The following MYO1C variants were observed in gnomAD, a reference collection of about 807,000 sequenced individuals.
The protein encoded by MYO1C is myosin IC.
Under a neutral mutation model 150.8 loss-of-function variants are expected in MYO1C, and 104 were observed. The observed-to-expected ratio is 0.69, with a 90% confidence interval of 0.59 to 0.81. The LOEUF (loss-of-function observed/expected upper bound fraction) is 0.81, where lower values mean the gene tolerates loss of function less well. Among genes scored for constraint, MYO1C ranks in the 30% least tolerant of loss-of-function variants. MYO1C has a pLI of 0.00. For missense variants in MYO1C, 1,504 were observed against 1,435.0 expected, an observed-to-expected ratio of 1.05 and a Z score of -0.78; for synonymous variants, 663 against 579.9, an observed-to-expected ratio of 1.14 and a Z score of -2.06.
Position 1,470,285 on chromosome 17 carries a change from C to T in MYO1C, c.2416G>A (p.Ala806Thr), listed in dbSNP as rs376352401. The change falls in exon 24 of 32, where the codon GCC becomes ACC. Residue 806 changes from alanine to threonine, a missense_variant. Physicochemically the swap from Ala to Thr is moderately conservative, Grantham distance 58 (BLOSUM62 0). Transcript: ENST00000648651. ...GTGCGCACATGGTCCAGGAAGAAGG[C>T]GTTCTCGGGGCAGCGGGGGGCGTGG... ...LRHAPRCPENAFFLDHVRTSF... is the reference protein window; with the variant it reads ...LRHAPRCPENTFFLDHVRTSF... 2.8e-5 allele frequency: 44 copies of T among 1,576,258 alleles called. No individual in the cohort carries two copies. Among genetic ancestry groups the T allele is most frequent in the Admixed American group, 3.6e-5 (2 of 55,126 alleles).
rs371255889 is a variant in MYO1C, at chr17:1,483,935, G to C, written c.232-210C>G. On this transcript the variant is annotated intron_variant, in intron 2 of 31. Transcript: ENST00000648651. ...CGGGTGCCTGTAATCCCAGCTACTC[G>C]GGAGGCTGAGGCAGGAGAATCGCTT... Among the ~76,000 whole-genome samples the C allele has an allele frequency of 9.3e-3, 1,410 of 152,058 alleles. 26 individuals carry two copies. The highest frequency in any genetic ancestry group is 0.033 in the African/African-American group (1,355 of 41,480).
intron 14 of MYO1C, among the ~76,000 whole-genome samples, chr17:1,475,934 A>T (rs1308507656): frequency 1.3e-5 from 2 of 152,160 alleles, no homozygotes; most frequent in African/African-American, 4.8e-5. Flanking sequence ...ATTTACCCTG[A>T]GCCTTATACA....
rs7212008 is a variant in MYO1C at position 1,465,784 on chromosome 17, G to A, written c.3166-32C>T. ...GGGCGGAGAGAGACGGCCAAGTGGT[G>A]AGGGGAGCAGACGGGGGCCCCGGTA... On this transcript the variant is annotated intron_variant, in intron 31 of 31. Coordinates refer to ENST00000648651, the MANE Select transcript of MYO1C (RefSeq NM_001080779.2). 3.2e-3 allele frequency: 4,261 copies of A among 1,315,738 alleles called. 107 individuals are homozygous for A. In the African/African-American group the frequency reaches 0.056, roughly 17 times the overall value. The allele number at this position is 1,315,738 out of a possible 1,614,324, so 81.5% of individuals were successfully genotyped here. A position where few individuals can be genotyped will look rare whatever the true frequency, so the allele number is the denominator to read the frequency against.
rs112303325 is a variant in MYO1C at position 1,474,557 on chromosome 17, T to C, written c.1797+53A>G. On this transcript the variant is annotated intron_variant, in intron 17 of 31. Coordinates refer to ENST00000648651, the MANE Select transcript of MYO1C (RefSeq NM_001080779.2). ...CCAGCTCCCAGGCTCACACAGGCCC[T>C]CATGCACACTCAGGCGCATGCACCC... 1,718 of 1,567,968 alleles carry C rather than the reference T, an allele frequency of 1.1e-3. 18 individuals carry two copies. Among genetic ancestry groups the C allele is most frequent in the African/African-American group, 0.011 (803 of 73,604 alleles).
chr17:1,466,645 G>C (rs1208776699), intron 31 of MYO1C, among the ~76,000 whole-genome samples: 4 of 114,578 alleles, frequency 3.5e-5, no homozygotes, highest in African/African-American at 1.4e-4. Context: ...TTTTTTTTGA[G>C]ATGACATCTC....
At position 1,468,074 on chromosome 17, in the gene MYO1C, G is replaced by C. The variant is rs1165033466; in HGVS notation, c.2810C>G (p.Ser937Cys). The C allele has an allele frequency of 1.2e-6, 2 of 1,613,400 alleles. No individual in the cohort carries two copies. Among genetic ancestry groups the C allele is most frequent in the Non-Finnish European group, 1.7e-6 (2 of 1,179,974 alleles). ...KYDRKGYKPRSRQLLLTPNAV... is the reference protein window; with the variant it reads ...KYDRKGYKPRCRQLLLTPNAV... ...GTTGGGCGTGAGCAGCAGCTGCCGG[G>C]AGCGAGGCTTGTAGCCCTTGCGGTC... Residue 937 changes from serine to cysteine, a missense_variant, in exon 28 of 32, where the codon TCC (serine) becomes TGC (cysteine). Transcript: ENST00000648651.
chr17:1,469,638 G>A (rs751831014), intron 24 of MYO1C, 24 bp from the exon 25 acceptor site: 4 of 1,569,186 alleles, frequency 2.5e-6, no homozygotes, highest in Admixed American at 3.4e-5. Context: ...TGAGGTCAGA[G>A]GTCCTGGACA....
intron 1 of MYO1C, chr17:1,485,905 T>G: frequency 6.4e-6 from 1 of 155,528 alleles, no homozygotes; most frequent in Non-Finnish European, 1.3e-5. Flanking sequence ...GTGGGGTTGG[T>G]GGAGGTGGGG....
At position 1,492,627 on chromosome 17, in the gene MYO1C, C is replaced by T. The variant is rs2074748814; in HGVS notation, c.-140G>A. 2.6e-6 allele frequency: 2 copies of T among 773,556 alleles called. No homozygotes were observed. The highest frequency in any genetic ancestry group is 4.4e-6 in the Non-Finnish European group (2 of 455,436). 47.9% of individuals were successfully genotyped at this position (773,556 alleles called of 1,614,324 possible). A position where few individuals can be genotyped will look rare whatever the true frequency, so the allele number is the denominator to read the frequency against. On this transcript the variant is annotated 5_prime_UTR_variant, in exon 1 of 32. Coordinates refer to ENST00000648651, the MANE Select transcript of MYO1C (RefSeq NM_001080779.2). ...TGGCCACTTGGTTCTGCTTCAACTG[C>T]AGCCCCAGGGGATGTGGCTGGTCCA...
In MYO1C at chr17:1,492,533, C is replaced by G; in HGVS notation, c.-46G>C. Reference sequence around the variant, plus strand: ...CGGCCTGGGCACCGCGGCCTGTGAGCAAGAGCTGCCTGCCCACTGGCGGGC... The same window carrying G: ...CGGCCTGGGCACCGCGGCCTGTGAGGAAGAGCTGCCTGCCCACTGGCGGGC... On this transcript the variant is annotated 5_prime_UTR_variant, in exon 1 of 32. Coordinates refer to ENST00000648651, the MANE Select transcript of MYO1C (RefSeq NM_001080779.2). 4 of 1,548,166 alleles carry G rather than the reference C, an allele frequency of 2.6e-6. No individual in the cohort carries two copies. The highest frequency in any genetic ancestry group is 2.6e-6 in the Non-Finnish European group (3 of 1,140,848).
Position 1,492,662 on chromosome 17 carries a change from G to A in MYO1C, c.-175C>T, listed in dbSNP as rs2074749361. The A allele has an allele frequency of 1.8e-5, 12 of 664,398 alleles. No homozygotes were observed. The highest frequency in any genetic ancestry group is 3.0e-5 in the Non-Finnish European group (11 of 370,856). 41.2% of individuals were successfully genotyped at this position (664,398 alleles called of 1,614,324 possible). A position where few individuals can be genotyped will look rare whatever the true frequency, so the allele number is the denominator to read the frequency against. The stretch of plus-strand genomic sequence containing the variant: ...GGATGTGGCTGGTCCAGCTCCTCAG[G>A]ACACGGCTGGAGCCGTCCAGGTCTG... On this transcript the variant is annotated 5_prime_UTR_variant, in exon 1 of 32. Coordinates refer to ENST00000648651, the MANE Select transcript of MYO1C (RefSeq NM_001080779.2).
intron 25 of MYO1C, 40 bp from the exon 26 acceptor site, chr17:1,468,536 G>A (rs375462051): frequency 8.0e-5 from 122 of 1,524,454 alleles, no homozygotes; most frequent in South Asian, 1.8e-4. Context: ...TCATGGTGGG[G>A]AGCACCATCT....
chr17:1,470,094 C>A (rs2074267991), intron 24 of MYO1C, 81 bp downstream of exon 24: 1 of 1,443,352 alleles, frequency 6.9e-7, no homozygotes, highest in Non-Finnish European at 9.4e-7. Context: ...CCCTCCCTGA[C>A]CAATCCTTTG....
intron 1 of MYO1C, chr17:1,485,606 C>T: frequency 9.8e-7 from 1 of 1,016,112 alleles, no homozygotes; most frequent in Non-Finnish European, 1.2e-6. Flanking sequence ...CTGGGCCGCG[C>T]CCGCTTCCTG....
intron 31 of MYO1C, 140 bp downstream of exon 31, chr17:1,467,102 G>A (rs2074188688): frequency 1.2e-6 from 1 of 817,372 alleles, no homozygotes; most frequent in Non-Finnish European, 2.0e-6. Context: ...GCCCTCATGG[G>A]TGGGCCAAGG....
chr17:1,481,189 T>C (rs1032141061), intron 5 of MYO1C: 1 of 425,134 alleles, frequency 2.4e-6, no homozygotes, highest in Non-Finnish European at 4.4e-6. Flanking sequence ...CTCCTGTTAG[T>C]GTCTGCCCTC....
chr17:1,470,093 AC>A, intron 24 of MYO1C, 81 bp downstream of exon 24: 2 of 1,436,500 alleles, frequency 1.4e-6, no homozygotes, highest in Non-Finnish European at 1.9e-6. Context: ...GCCCTCCCTG[AC>A]CAATCCTTTG....
chr17:1,482,272 G>GC (rs1248492088), intron 5 of MYO1C, among the ~76,000 whole-genome samples: 3 of 152,140 alleles, frequency 2.0e-5, no homozygotes, highest in South Asian at 4.1e-4. Context: ...GACCGCACCT[G>GC]CCCCCCACTC....
chr17:1,481,260 G>A (rs982166811), intron 5 of MYO1C: 5 of 282,514 alleles, frequency 1.8e-5, no homozygotes, highest in African/African-American at 1.1e-4. Context: ...CAGTCCTCCT[G>A]GAAGCCTGTG....
Sources: allele counts gnomAD v4.1 joint callset (sites outside exome capture counted in the v4.1 genomes callset), GRCh38; gene constraint gnomAD v4.1.1; transcripts MANE v1.5; gene names NCBI Gene and HGNC (gene_info 2026-07-23, HGNC 2026-07-21).